Variants in RAC2 observed in about 807,000 individuals in gnomAD.
The protein encoded by RAC2 is ras-related C3 botulinum toxin substrate 2.
Under a neutral mutation model 24.0 loss-of-function variants are expected in RAC2, and 1 was observed. The ratio of observed to expected loss-of-function variants is 0.04; its 90% confidence interval spans 0.01 to 0.20. The LOEUF (loss-of-function observed/expected upper bound fraction) is 0.20, where lower values mean the gene tolerates loss of function less well. RAC2 is among the 10% of genes least tolerant of loss of function. The pLI is 1.00. For missense variants in RAC2, 130 were observed against 259.1 expected (o/e 0.50, Z 3.42); for synonymous variants, 114 against 106.8 (o/e 1.07, Z -0.41).
intron 5 of RAC2, among the ~76,000 whole-genome samples, chr22:37,230,875 C>T (rs9619663): frequency 1.1e-4 from 16 of 152,144 alleles, no homozygotes; most frequent in African/African-American, 3.9e-4. Context: ...CAAAGCACAC[C>T]TCCTTATTTT....
intron 5 of RAC2, 119 bp from the exon 6 acceptor site, chr22:37,226,922 C>A: frequency 8.2e-7 from 1 of 1,217,952 alleles, no homozygotes; most frequent in Non-Finnish European, 1.1e-6. Flanking sequence ...CGCCATACAC[C>A]CCTCCCACGC....
chr22:37,241,495 G>T (rs1282022152), intron 2 of RAC2, 92 bp downstream of exon 2: 25 of 1,334,654 alleles, frequency 1.9e-5, no homozygotes, highest in Non-Finnish European at 2.6e-5. Context: ...GCCCACACAG[G>T]GTCTGGCCCA....
chr22:37,235,079 G>A (rs1028544891), intron 2 of RAC2, among the ~76,000 whole-genome samples: 1 of 152,180 alleles, frequency 6.6e-6, no homozygotes, highest in African/African-American at 2.4e-5. Flanking sequence ...AGTGAATGCA[G>A]GTGGAAGGGA....
chr22:37,231,093 GT>G lies in RAC2; in HGVS notation c.448+137del, dbSNP rs1788806960. 9.4e-7 allele frequency: 1 copy of G among 1,065,564 alleles called. No individual in the cohort carries two copies. Among genetic ancestry groups the G allele is most frequent in the African/African-American group, 1.6e-5 (1 of 63,602 alleles). The allele number at this position is 1,065,564 out of a possible 1,614,324, so 66.0% of individuals were successfully genotyped here. A position where few individuals can be genotyped will look rare whatever the true frequency, so the allele number is the denominator to read the frequency against. The stretch of plus-strand genomic sequence containing the variant: ...AGAGAGGCTACGTGACTCGCCCAAG[GT>G]CACACAGCAAGTGCACAGCACAGCT... On this transcript the variant is annotated intron_variant, in intron 5 of 6. Coordinates refer to ENST00000249071, the MANE Select transcript of RAC2 (RefSeq NM_002872.5). The surrounding 1 kb of genome is among the most constrained non-coding windows in gnomAD (Gnocchi z 5.5).
chr22:37,233,481 C>T (rs1018537128), intron 2 of RAC2, among the ~76,000 whole-genome samples: 1 of 152,306 alleles, frequency 6.6e-6, no homozygotes, highest in African/African-American at 2.4e-5. Flanking sequence ...CAGGGTTTCA[C>T]CATGTTGACC....
intron 2 of RAC2, chr22:37,240,736 C>T: frequency 2.2e-6 from 1 of 447,696 alleles, no homozygotes; most frequent in Non-Finnish European, 4.1e-6. Context: ...GTGGAGACCC[C>T]TTCGTGGTAG....
Position 37,231,268 on chromosome 22 carries a change from G to A in RAC2, c.411C>T (p.Ile137=), listed in dbSNP as rs747807459. Residue 137 remains isoleucine (I), a synonymous_variant, in exon 5 of 7, where the codon ATC becomes ATT. Coordinates refer to ENST00000249071, the MANE Select transcript of RAC2 (RefSeq NM_002872.5). The surrounding 1 kb of genome is among the most constrained non-coding windows in gnomAD (Gnocchi z 5.5). ...CCAGTGCCAGGCCCTGCGGGTAGGT[G>A]ATGGGAGCCAGCTTCTTCTCCTTCA... is the stretch of plus-strand genomic sequence containing the variant. ...EKLKEKKLAP[I]TYPQGLALAK... The A allele has an allele frequency of 3.7e-6, 6 of 1,613,726 alleles. No individual in the cohort carries two copies. The African/African-American group carries it at 8.0e-5, about 22-fold the overall frequency.
At position 37,231,917 on chromosome 22, in the gene RAC2, C is replaced by T. The variant is rs1271458258; in HGVS notation, c.288+15G>A. On this transcript the variant is annotated intron_variant, in intron 4 of 6. Coordinates refer to ENST00000249071, the MANE Select transcript of RAC2 (RefSeq NM_002872.5). The surrounding 1 kb of genome is among the most constrained non-coding windows in gnomAD (Gnocchi z 5.5). ...CCTGCCCCAGAGCCCCCAAGGCCCA[C>T]CCTGTCCAGCTCACCTTGGCGCGGA... The T allele has an allele frequency of 1.9e-6, 3 of 1,551,504 alleles. No homozygotes were observed. The highest frequency in any genetic ancestry group is 2.0e-5 in the Admixed American group (1 of 50,996).
Position 37,237,738 on chromosome 22 carries a change from G to A in RAC2, c.107+3849C>T, listed in dbSNP as rs1385964015. On this transcript the variant is annotated intron_variant, in intron 2 of 6. Transcript: ENST00000249071. ...CCGGGGTCGGGGAGGCAGTCATGACGGAGCAACAGGAATGGGCTCAGCTCT... is the reference window on the plus strand; with the variant it reads ...CCGGGGTCGGGGAGGCAGTCATGACAGAGCAACAGGAATGGGCTCAGCTCT... Among the ~76,000 whole-genome samples the A allele has an allele frequency of 5.9e-5, 9 of 152,212 alleles. No homozygotes were observed. The East Asian group carries it at 9.7e-4, about 16-fold the overall frequency.
In RAC2 at chr22:37,241,613, G is replaced by C. The variant is rs2239774; in HGVS notation, c.81C>G (p.Ala27=). The C allele has an allele frequency of 0.15, 236,985 of 1,613,244 alleles. 18,204 individuals are homozygous for C. Among genetic ancestry groups the C allele is most frequent in the East Asian group, 0.23 (10,344 of 44,866 alleles). ...TCLLISYTTN[A]FPGEYIPTVF... ...CGGTGGGGATGTACTCTCCGGGAAA[G>C]GCGTTGGTGGTGTAGCTGATGAGAA... The change falls in exon 2 of 7, where the codon GCC becomes GCG. Residue 27 remains alanine (A), a synonymous_variant. Transcript: ENST00000249071.
chr22:37,227,490 A>ACC (rs1569088000), intron 5 of RAC2, among the ~76,000 whole-genome samples: 1 of 7,390 alleles, frequency 1.4e-4, no homozygotes, highest in African/African-American at 7.0e-4. Flanking sequence ...CACGCCATAC[A>ACC]TCCCTCCCAC....
intron 2 of RAC2, among the ~76,000 whole-genome samples, chr22:37,233,137 A>G (rs1369472346): frequency 6.6e-6 from 1 of 152,236 alleles, no homozygotes; most frequent in Non-Finnish European, 1.5e-5. Flanking sequence ...GAAGAAAAAA[A>G]GATTGTCTCT....
chr22:37,236,066 C>T (rs1927213390), intron 2 of RAC2, among the ~76,000 whole-genome samples: 1 of 152,214 alleles, frequency 6.6e-6, no homozygotes, highest in African/African-American at 2.4e-5. Context: ...CTTGGGAAGC[C>T]AGGACATCCT....
At position 37,231,651 on chromosome 22, in the gene RAC2, T is replaced by C; in HGVS notation, c.289-261A>G. On this transcript the variant is annotated intron_variant, in intron 4 of 6. Coordinates refer to ENST00000249071, the MANE Select transcript of RAC2 (RefSeq NM_002872.5). This position sits in a 1 kb window ranked among gnomAD's most constrained non-coding sequence, Gnocchi z 5.5. ...TTTGTGCAGACATAAGAAGCAAACA[T>C]GAGGTTATGTGACAATCGGAGGCGG... The C allele has an allele frequency of 3.3e-6, 2 of 603,382 alleles. No individual in the cohort carries two copies. Among genetic ancestry groups the C allele is most frequent in the African/African-American group, 1.9e-5 (1 of 53,854 alleles). 37.4% of individuals were successfully genotyped at this position (603,382 alleles called of 1,614,324 possible). A position where few individuals can be genotyped will look rare whatever the true frequency, so the allele number is the denominator to read the frequency against.
At chr22:37,243,527 G>A (rs116833643) in intron 1 of RAC2, among the ~76,000 whole-genome samples, 4,547 of 152,156 alleles carry the variant, frequency 0.03, 254 homozygotes, top group African/African-American at 0.1. Flanking sequence ...TCCCCAACCC[G>A]GTAGGCTGAG....
intron 2 of RAC2, among the ~76,000 whole-genome samples, chr22:37,240,206 C>T (rs1299966430): frequency 2.0e-5 from 3 of 152,162 alleles, no homozygotes; most frequent in Admixed American, 6.5e-5. Flanking sequence ...GGAAGCATCT[C>T]GGCTCCAGGC....
intron 2 of RAC2, among the ~76,000 whole-genome samples, chr22:37,235,249 G>C (rs1157311858): frequency 6.6e-6 from 1 of 152,128 alleles, no homozygotes; most frequent in Non-Finnish European, 1.5e-5. Flanking sequence ...CACTTTGCCT[G>C]TCCAGCCCTG....
intron 5 of RAC2, among the ~76,000 whole-genome samples, chr22:37,230,545 A>C (rs1927027790): frequency 6.6e-6 from 1 of 152,098 alleles, no homozygotes; most frequent in Non-Finnish European, 1.5e-5. Context: ...GAGCCACTAC[A>C]AAGAAGCACC....
chr22:37,226,493 G>A (rs990649054), intron 6 of RAC2, among the ~76,000 whole-genome samples, 178 bp downstream of exon 6: 2 of 152,104 alleles, frequency 1.3e-5, no homozygotes, highest in Non-Finnish European at 1.5e-5. Context: ...TGGAAGATGA[G>A]CTCCAGAGAG....
Sources: allele counts gnomAD v4.1 joint callset (sites outside exome capture counted in the v4.1 genomes callset), GRCh38; gene constraint gnomAD v4.1.1; non-coding constraint Gnocchi (gnomAD v3.1); transcripts MANE v1.5; gene names NCBI Gene and HGNC (gene_info 2026-07-23, HGNC 2026-07-21).